Variants in EIF3F observed in about 807,000 individuals in gnomAD.
EIF3F encodes deubiquitinating enzyme eIF3f.
In EIF3F, 8 loss-of-function variants were observed where a neutral mutation model predicts 36.0. The observed-to-expected ratio is 0.22, with a 90% confidence interval of 0.13 to 0.40. The LOEUF is 0.40. EIF3F is among the 10% of genes least tolerant of loss of function. EIF3F has a pLI of 1.00. For missense variants in EIF3F, 430 were observed against 467.6 expected (o/e 0.92, Z 0.74); for synonymous variants, 184 against 188.5 (o/e 0.98, Z 0.19).
chr11:7,991,940 A>C lies in EIF3F; in HGVS notation c.435+89A>C, dbSNP rs1421768910. The stretch of plus-strand genomic sequence containing the variant: ...CGGTCCCTCCCACACTCATAACTAG[A>C]GCTCCTGTAGCCAAGGAGCTTCTTC... On this transcript the variant is annotated intron_variant, in intron 2 of 7. Coordinates refer to ENST00000651655, the MANE Select transcript of EIF3F (RefSeq NM_003754.3). 2.6e-6 allele frequency: 4 copies of C among 1,528,638 alleles called. No homozygotes were observed. In the African/African-American group the frequency reaches 4.1e-5, roughly 16 times the overall value. The allele number at this position is 1,528,638 out of a possible 1,614,324, so 94.7% of individuals were successfully genotyped here. A position where few individuals can be genotyped will look rare whatever the true frequency, so the allele number is the denominator to read the frequency against.
intron 1 of EIF3F, among the ~76,000 whole-genome samples, chr11:7,990,438 C>G (rs80083716): frequency 0.042 from 6,429 of 152,142 alleles, 439 homozygotes; most frequent in African/African-American, 0.15. Context: ...AAACTTTATT[C>G]ACAAAAAACA....
intron 5 of EIF3F, chr11:7,994,734 C>T (rs1001029558): frequency 1.5e-6 from 1 of 681,048 alleles, no homozygotes; most frequent in Non-Finnish European, 2.4e-6. Flanking sequence ...GCACCAGAGG[C>T]CACATACCAT....
intron 6 of EIF3F, 37 bp downstream of exon 6, chr11:7,995,155 A>G (rs1451155009): frequency 6.2e-7 from 1 of 1,611,072 alleles, no homozygotes; most frequent in Non-Finnish European, 8.5e-7. Context: ...GGGAGGACAT[A>G]GTTCTCTATC....
At chr11:7,987,882 C>T (rs755105712) in intron 1 of EIF3F, 166 bp downstream of exon 1, 4 of 1,063,570 alleles carry the variant, frequency 3.8e-6, no homozygotes, top group Non-Finnish European at 4.9e-6. Context: ...TGTGACTTAT[C>T]TTCTCAAGCA....
At chr11:7,992,856 C>T in intron 3 of EIF3F, 31 bp from the exon 4 acceptor site, 3 of 1,613,236 alleles carry the variant, frequency 1.9e-6, no homozygotes, top group East Asian at 2.2e-5. Flanking sequence ...CACATATAGA[C>T]AGGAGTCCAC....
rs1942213867 is a variant in EIF3F at position 8,000,882 on chromosome 11, ACTTT to A, written c.*4863_*4866del. On this transcript the variant is annotated 3_prime_UTR_variant, in exon 8 of 8. Coordinates refer to ENST00000651655, the MANE Select transcript of EIF3F (RefSeq NM_003754.3). ...TTTAATGATTTATGAGTGAGGAAGA[ACTTT>A]CTAAGAACTGAGAATCCAGGAGTTA... 1 of 152,240 alleles carries A rather than the reference ACTTT, an allele frequency of 6.6e-6. No homozygotes were observed. The highest frequency in any genetic ancestry group is 2.4e-5 in the African/African-American group (1 of 41,456). The allele number at this position is 152,240 out of a possible 1,614,324, so 9.4% of individuals were successfully genotyped here.
intron 3 of EIF3F, 32 bp from the exon 4 acceptor site, chr11:7,992,855 A>T (rs1452733792): frequency 6.2e-7 from 1 of 1,613,102 alleles, no homozygotes; most frequent in Non-Finnish European, 8.5e-7. Flanking sequence ...CCACATATAG[A>T]CAGGAGTCCA....
chr11:7,987,365 G>C lies in EIF3F; in HGVS notation c.13G>C (p.Ala5Pro), dbSNP rs756899150. 4 of 1,594,072 alleles carry C rather than the reference G, an allele frequency of 2.5e-6. No individual in the cohort carries two copies. The African/African-American group carries it at 5.4e-5, about 21-fold the overall frequency. MATP[A>P]VPVSAPPATP... ...CTTTCTCGACAAGATGGCCACACCG[G>C]CGGTACCAGTAAGTGCTCCTCCGGC... Residue 5 changes from alanine (A) to proline (P), a missense_variant, in exon 1 of 8, where the codon GCG becomes CCG. Around this residue, in one of 2 missense-constraint regions of EIF3F, gnomAD observed 168 missense variants for 120.2 expected, o/e 1.40. Coordinates refer to ENST00000651655, the MANE Select transcript of EIF3F (RefSeq NM_003754.3).
rs868274743 is a variant in EIF3F at position 7,987,345 on chromosome 11, T to G, written c.-8T>G. On this transcript the variant is annotated 5_prime_UTR_variant, in exon 1 of 8. Transcript: ENST00000651655. ...ATTTCCGCTTCCGCCTCCTTCTTTC[T>G]CGACAAGATGGCCACACCGGCGGTA... 3 of 1,588,972 alleles carry G rather than the reference T, an allele frequency of 1.9e-6. No individual in the cohort carries two copies. The Middle Eastern group carries it at 5.0e-4, about 265-fold the overall frequency.
At chr11:7,988,726 G>A (rs567957478) in intron 1 of EIF3F, among the ~76,000 whole-genome samples, 1 of 152,208 alleles carries the variant, frequency 6.6e-6, no homozygotes, top group South Asian at 2.1e-4. Flanking sequence ...GACAAGATTT[G>A]TAAGCAGACC....
At chr11:7,994,947 A>G (rs1243925301) in intron 5 of EIF3F, 35 bp from the exon 6 acceptor site, 1 of 1,608,662 alleles carries the variant, frequency 6.2e-7, no homozygotes, top group Non-Finnish European at 8.5e-7. Context: ...ACTGCCCACC[A>G]CTGCCGCTGC....
chr11:7,992,828 T>TG, intron 3 of EIF3F, 59 bp from the exon 4 acceptor site: 1 of 1,610,884 alleles, frequency 6.2e-7, no homozygotes, highest in Admixed American at 1.7e-5. Context: ...ATGCCACTGT[T>TG]GTGTTTGATA....
At chr11:7,992,787 C>T (rs1035918499) in intron 3 of EIF3F, 100 bp from the exon 4 acceptor site, 17 of 1,513,610 alleles carry the variant, frequency 1.1e-5, no homozygotes, top group Middle Eastern at 2.4e-4. Context: ...GGTGTCCTAC[C>T]GTAGAAGTGT....
chr11:8,000,660 A>T lies in EIF3F; in HGVS notation c.*4638A>T, dbSNP rs1483835688. On this transcript the variant is annotated 3_prime_UTR_variant, in exon 8 of 8. Transcript: ENST00000651655. ...ACATACAGTTTTTGTCAATTTAAAG[A>T]TATCAGAATTCTAGAATATGATAAA... 1 of 152,212 alleles carries T rather than the reference A, an allele frequency of 6.6e-6. No homozygotes were observed. The highest frequency in any genetic ancestry group is 6.5e-5 in the Admixed American group (1 of 15,292). The allele number at this position is 152,212 out of a possible 1,614,324, so 9.4% of individuals were successfully genotyped here.
intron 7 of EIF3F, 72 bp downstream of exon 7, chr11:7,995,439 A>C (rs1382256668): frequency 1.6e-6 from 2 of 1,276,824 alleles, no homozygotes; most frequent in African/African-American, 2.9e-5. Context: ...CAAATGTGAA[A>C]AGAGTTGGGT....
Position 7,996,140 on chromosome 11 carries a change from C to T in EIF3F, c.*118C>T. The T allele has an allele frequency of 1.2e-6, 1 of 849,552 alleles. No homozygotes were observed. Among genetic ancestry groups the T allele is most frequent in the Admixed American group, 2.1e-5 (1 of 48,262 alleles). 52.6% of individuals were successfully genotyped at this position (849,552 alleles called of 1,614,324 possible). On this transcript the variant is annotated 3_prime_UTR_variant, in exon 8 of 8. Coordinates refer to ENST00000651655, the MANE Select transcript of EIF3F (RefSeq NM_003754.3). Reference sequence around the variant, plus strand: ...CTGAGATAGTCAGTTGTGTGTGACTCTAATAAACGGAGCCTACCTTTTGTA... The same window carrying T: ...CTGAGATAGTCAGTTGTGTGTGACTTTAATAAACGGAGCCTACCTTTTGTA...
intron 2 of EIF3F, 62 bp downstream of exon 2, chr11:7,991,913 C>G: frequency 1.9e-6 from 3 of 1,582,410 alleles, no homozygotes; most frequent in African/African-American, 2.8e-5. Context: ...CGGCTCCCCT[C>G]ACGGTCCCTC....
rs1446782652 is a variant in EIF3F, at chr11:7,989,884, A to G, written c.365-1897A>G. Among the ~76,000 whole-genome samples, 4 of 152,268 alleles carry G rather than the reference A, an allele frequency of 2.6e-5. No individual in the cohort carries two copies. In the East Asian group the frequency reaches 7.7e-4, roughly 29 times the overall value. The stretch of plus-strand genomic sequence containing the variant: ...AGGTAGAGCAGGAAATGAAGCTAGC[A>G]GAGGGCAGAGCCCTAAGAAGTATTA... On this transcript the variant is annotated intron_variant, in intron 1 of 7. Transcript: ENST00000651655.
rs2133678853 is a variant in EIF3F, at chr11:8,000,735, G to C, written c.*4713G>C. 6.6e-6 allele frequency: 1 copy of C among 152,170 alleles called. No individual in the cohort carries two copies. The highest frequency in any genetic ancestry group is 1.9e-4 in the East Asian group (1 of 5,180). 9.4% of individuals were successfully genotyped at this position (152,170 alleles called of 1,614,324 possible). On this transcript the variant is annotated 3_prime_UTR_variant, in exon 8 of 8. Coordinates refer to ENST00000651655, the MANE Select transcript of EIF3F (RefSeq NM_003754.3). ...TAGATTACTTAAGAGCGAATGAGTG[G>C]TAATTTGGAAACAATGTTGGATTCC...
Sources: allele counts gnomAD v4.1 joint callset (sites outside exome capture counted in the v4.1 genomes callset), GRCh38; gene constraint gnomAD v4.1.1; regional missense constraint gnomAD v4.1.1; transcripts MANE v1.5; gene names NCBI Gene and HGNC (gene_info 2026-07-23, HGNC 2026-07-21).